Variants in GRIN2A observed in about 807,000 individuals in gnomAD.
GRIN2A encodes glutamate receptor ionotropic, NMDA 2A.
GRIN2A carries 22 observed loss-of-function variants against 113.4 expected under a neutral mutation model. The ratio of observed to expected loss-of-function variants is 0.19; its 90% confidence interval spans 0.14 to 0.28. The LOEUF is 0.28. Ranked by LOEUF, GRIN2A falls within the 10% of genes least tolerant of loss-of-function variation. The pLI, the probability that GRIN2A is intolerant of heterozygous loss-of-function variation, is 1.00. For missense variants in GRIN2A, 1,502 were observed against 1,887.0 expected (o/e 0.80, Z 3.78); for synonymous variants, 827 against 738.4 (o/e 1.12, Z -1.94).
At chr16:9,935,707 T>A (rs2044699524) in intron 3 of GRIN2A, among the ~76,000 whole-genome samples, 1 of 152,012 alleles carries the variant, frequency 6.6e-6, no homozygotes, top group Admixed American at 6.6e-5. Flanking sequence ...ATTATTATTA[T>A]TTTTTTGAGA....
At chr16:9,896,527 G>GT (rs2043810907) in intron 3 of GRIN2A, among the ~76,000 whole-genome samples, 1 of 152,154 alleles carries the variant, frequency 6.6e-6, no homozygotes, top group South Asian at 2.1e-4. Context: ...CGCAAACACT[G>GT]TTCTTCAGAT....
At chr16:10,070,441 T>G (rs2047727682) in intron 2 of GRIN2A, among the ~76,000 whole-genome samples, 1 of 152,140 alleles carries the variant, frequency 6.6e-6, no homozygotes, top group Non-Finnish European at 1.5e-5. Flanking sequence ...CGTGTTAAAG[T>G]TTGAGAATCA....
chr16:9,822,305 A>T lies in GRIN2A; in HGVS notation c.2127T>A (p.Asn709Lys). 6.2e-7 allele frequency: 1 copy of T among 1,613,652 alleles called. No homozygotes were observed. Among genetic ancestry groups the T allele is most frequent in the Non-Finnish European group, 8.5e-7 (1 of 1,179,626 alleles). Residue 709 changes from asparagine (N) to lysine (K), a missense_variant, in exon 10 of 13, where the codon AAT becomes AAA. Asn to Lys is a moderately conservative substitution (Grantham distance 94). Coordinates refer to ENST00000330684, the MANE Select transcript of GRIN2A (RefSeq NM_001134407.3). The stretch of plus-strand genomic sequence containing the variant: ...CCAAGGCGTCCTCTACTCCTTTCTG[A>T]TTAAATTTGGTCATGTACTGATGCA... ...PYMHQYMTKFNQKGVEDALVS... is the reference protein window; with the variant it reads ...PYMHQYMTKFKQKGVEDALVS...
intron 3 of GRIN2A, among the ~76,000 whole-genome samples, chr16:9,934,958 A>G (rs2044678917): frequency 1.3e-5 from 2 of 152,036 alleles, no homozygotes; most frequent in South Asian, 4.1e-4. Flanking sequence ...ACCACGCTTG[A>G]TGCATTGCTT....
intron 4 of GRIN2A, among the ~76,000 whole-genome samples, chr16:9,875,205 C>A (rs183359717): frequency 6.6e-6 from 1 of 151,978 alleles, no homozygotes; most frequent in African/African-American, 2.4e-5. Context: ...AGTGGTGAAT[C>A]TATAGCCCCT....
intron 2 of GRIN2A, among the ~76,000 whole-genome samples, chr16:10,161,987 T>C (rs1179950211): frequency 1.3e-5 from 2 of 152,206 alleles, no homozygotes; most frequent in African/African-American, 2.4e-5. Flanking sequence ...AATTTAATTA[T>C]ATTTGCAAAG....
chr16:9,880,854 T>A (rs993691537), intron 4 of GRIN2A, among the ~76,000 whole-genome samples: 1 of 152,156 alleles, frequency 6.6e-6, no homozygotes, highest in African/African-American at 2.4e-5. Flanking sequence ...CCCTATAACA[T>A]CTCTCTTCTC....
At chr16:10,102,119 AC>A (rs1270409272) in intron 2 of GRIN2A, among the ~76,000 whole-genome samples, 19 of 152,216 alleles carry the variant, frequency 1.2e-4, no homozygotes, top group African/African-American at 3.9e-4. Flanking sequence ...TTCAATAAGG[AC>A]ACAGAGGTTC....
chr16:9,829,522 G>A lies in GRIN2A; in HGVS notation c.1908C>T (p.Phe636=), dbSNP rs1309080464. Residue 636 remains phenylalanine (F), a synonymous_variant, in exon 9 of 13, where the codon TTC becomes TTT. Transcript: ENST00000330684. ...TSKIMVSVWA[F]FAVIFLASYT... is the part of the protein sequence containing the mutation. ...AGCTAGCCAGGAATATGACAGCGAA[G>A]AAGGCCCATACAGATACCATGATCT... is the stretch of plus-strand genomic sequence containing the variant. 2 of 1,614,002 alleles carry A rather than the reference G, an allele frequency of 1.2e-6. No homozygotes were observed. Among genetic ancestry groups the A allele is most frequent in the South Asian group, 1.1e-5 (1 of 91,080 alleles).
chr16:10,115,800 G>A (rs916628863), intron 2 of GRIN2A, among the ~76,000 whole-genome samples: 2 of 152,138 alleles, frequency 1.3e-5, no homozygotes, highest in Admixed American at 6.5e-5. Flanking sequence ...TGGAAATATG[G>A]AGCATAATTA....
At chr16:9,829,235 A>G (rs944827251) in intron 9 of GRIN2A, among the ~76,000 whole-genome samples, 188 bp downstream of exon 9, 9 of 152,202 alleles carry the variant, frequency 5.9e-5, no homozygotes, top group Non-Finnish European at 1.3e-4. Flanking sequence ...GGTCTAGGAG[A>G]GCTAACCTTA....
At chr16:10,148,074 C>T (rs1194438579) in intron 2 of GRIN2A, among the ~76,000 whole-genome samples, 1 of 152,200 alleles carries the variant, frequency 6.6e-6, no homozygotes, top group Non-Finnish European at 1.5e-5. Flanking sequence ...TGGTTGCTCC[C>T]TGTCAGCCTC....
In GRIN2A at chr16:9,764,016, C is replaced by T. The variant is rs2141131330; in HGVS notation, c.3528G>A (p.Glu1176=). The T allele has an allele frequency of 6.2e-7, 1 of 1,614,130 alleles. No homozygotes were observed. Among genetic ancestry groups the T allele is most frequent in the Non-Finnish European group, 8.5e-7 (1 of 1,180,000 alleles). The change falls in exon 13 of 13, where the codon GAG becomes GAA. Residue 1176 remains glutamate (E), a synonymous_variant. Coordinates refer to ENST00000330684, the MANE Select transcript of GRIN2A (RefSeq NM_001134407.3). ...TATACTGGTCGTTGTTGGAAAGCCC[C>T]TCTTCATTATGCAAGGGGTTCCGGT... ...PMNRNPLHNE[E]GLSNNDQYKL...
intron 11 of GRIN2A, among the ~76,000 whole-genome samples, chr16:9,780,486 A>G (rs979573326): frequency 6.6e-6 from 1 of 152,258 alleles, no homozygotes; most frequent in Non-Finnish European, 1.5e-5. Context: ...TGATTCCACC[A>G]TTTATTTGAG....
intron 2 of GRIN2A, among the ~76,000 whole-genome samples, chr16:10,177,114 G>C (rs542074231): frequency 1.3e-5 from 2 of 152,138 alleles, no homozygotes; most frequent in African/African-American, 4.8e-5. Context: ...ACAATGCACC[G>C]TGACTGTTTC....
chr16:10,091,615 T>A (rs1045138049), intron 2 of GRIN2A, among the ~76,000 whole-genome samples: 1 of 151,992 alleles, frequency 6.6e-6, no homozygotes. Context: ...GCCTGGGGAA[T>A]AGGCCCCATC....
At chr16:10,078,029 T>A (rs995509241) in intron 2 of GRIN2A, among the ~76,000 whole-genome samples, 1 of 152,196 alleles carries the variant, frequency 6.6e-6, no homozygotes, top group African/African-American at 2.4e-5. Flanking sequence ...CAAAATGCGG[T>A]TGTGGTAAGG....
intron 2 of GRIN2A, among the ~76,000 whole-genome samples, chr16:10,115,034 T>C (rs1171658772): frequency 6.6e-6 from 1 of 152,252 alleles, no homozygotes; most frequent in Non-Finnish European, 1.5e-5. Context: ...AAAATTATTC[T>C]CTGGTTCATT....
chr16:9,839,473 G>T (rs2042636937), intron 7 of GRIN2A, among the ~76,000 whole-genome samples: 1 of 151,954 alleles, frequency 6.6e-6, no homozygotes, highest in South Asian at 2.1e-4. Flanking sequence ...TGGCTTAATG[G>T]GTAGTCACAT....
Sources: allele counts gnomAD v4.1 joint callset (sites outside exome capture counted in the v4.1 genomes callset), GRCh38; gene constraint gnomAD v4.1.1; transcripts MANE v1.5; gene names NCBI Gene and HGNC (gene_info 2026-07-23, HGNC 2026-07-21).